TYW1: variants seen among roughly 807,000 people sequenced by gnomAD.
TYW1 encodes tRNA-yW synthesizing protein 1 homolog.
Under a neutral mutation model 96.2 loss-of-function variants are expected in TYW1, and 46 were observed. The observed-to-expected ratio is 0.48, with a 90% CI of 0.38 to 0.61. TYW1 has a LOEUF of 0.61. Ranked by LOEUF, TYW1 falls within the 20% of genes least tolerant of loss-of-function variation. The pLI, the probability that TYW1 is intolerant of heterozygous loss-of-function variation, is 0.00. For synonymous variants in TYW1, 274 were observed against 323.0 expected (o/e 0.85, Z 1.63); for missense variants, 684 against 909.6 (o/e 0.75, Z 3.19).
intron 7 of TYW1, among the ~76,000 whole-genome samples, chr7:67,045,909 C>G (rs1795173288): frequency 1.3e-5 from 2 of 152,274 alleles, no homozygotes; most frequent in South Asian, 4.1e-4. Flanking sequence ...AACCCTAGAA[C>G]TGTTTTACTG....
In TYW1 at chr7:67,167,296, C is replaced by T. The variant is rs188144320; in HGVS notation, c.1699-15830C>T. ...CATCCTGGCTAACACGGTGAAACCG[C>T]GTCTCTACTAAAAATACAAAAAATT... On this transcript the variant is annotated intron_variant, in intron 13 of 15. Coordinates refer to ENST00000359626, the MANE Select transcript of TYW1 (RefSeq NM_018264.4). 2.2e-3 allele frequency among the ~76,000 whole-genome samples: 342 copies of T among 152,034 alleles called. 1 individual carries two copies. Among genetic ancestry groups the T allele is most frequent in the African/African-American group, 7.4e-3 (307 of 41,502 alleles).
At chr7:67,175,168 G>A (rs185340818) in intron 13 of TYW1, among the ~76,000 whole-genome samples, 12 of 140,248 alleles carry the variant, frequency 8.6e-5, no homozygotes, top group Non-Finnish European at 1.5e-4. Context: ...TATTAGTTCA[G>A]AATTTTTTTT....
rs548873963 is a variant in TYW1 at position 67,235,893 on chromosome 7, CAAAAAA to C, written c.1978-2403_1978-2398del. ...TGGGAGACAGAGCGAGACTCTGTCTCAAAAAAAAAAAAAAAAAGAAAAAGAGGTGAG... is the reference window on the plus strand; with the variant it reads ...TGGGAGACAGAGCGAGACTCTGTCTCAAAAAAAAAAAGAAAAAGAGGTGAG... On this transcript the variant is annotated intron_variant, in intron 15 of 15. Transcript: ENST00000359626. Among the ~76,000 whole-genome samples the C allele has an allele frequency of 7.2e-5, 5 of 69,568 alleles. No individual in the cohort carries two copies. In the South Asian group the frequency reaches 1.6e-3, roughly 22 times the overall value. 45.6% of individuals were successfully genotyped at this position (69,568 alleles called of 152,430 possible).
In TYW1 at chr7:67,070,061, C is replaced by G. The variant is rs570085131; in HGVS notation, c.1274+2658C>G. Among the ~76,000 whole-genome samples, 3 of 152,308 alleles carry G rather than the reference C, an allele frequency of 2.0e-5. No homozygotes were observed. The South Asian group carries it at 6.2e-4, about 32-fold the overall frequency. On this transcript the variant is annotated intron_variant, in intron 10 of 15. Transcript: ENST00000359626. The stretch of plus-strand genomic sequence containing the variant: ...CATTTTAAATATGCTCTCCCACTGC[C>G]TTCTGGCCTCCATGGTTTCTGCTGA...
chr7:67,102,520 G>T (rs1797115778), intron 12 of TYW1, among the ~76,000 whole-genome samples: 1 of 152,172 alleles, frequency 6.6e-6, no homozygotes, highest in Admixed American at 6.5e-5. Flanking sequence ...AAGTAAGGTG[G>T]CAGGGTTGGG....
chr7:67,034,085 AATTT>A (rs1441778485), intron 7 of TYW1, among the ~76,000 whole-genome samples: 4 of 144,386 alleles, frequency 2.8e-5, no homozygotes, highest in African/African-American at 5.0e-5. Context: ...AGTTTCATTT[AATTT>A]ATTTATTTAT....
chr7:67,211,690 A>C, intron 15 of TYW1, among the ~76,000 whole-genome samples: 1 of 152,064 alleles, frequency 6.6e-6, no homozygotes, highest in South Asian at 2.1e-4. Context: ...TAAATTCCCA[A>C]CCCAACAGTG....
At chr7:67,072,248 C>CTTTT (rs35654128) in intron 10 of TYW1, among the ~76,000 whole-genome samples, 3 of 128,944 alleles carry the variant, frequency 2.3e-5, no homozygotes, top group Admixed American at 8.1e-5. Flanking sequence ...CCTCTACCCA[C>CTTTT]TTTTTTTTTT....
intron 13 of TYW1, among the ~76,000 whole-genome samples, chr7:67,127,037 G>C (rs1797931830): frequency 7.2e-6 from 1 of 138,310 alleles, no homozygotes; most frequent in African/African-American, 2.5e-5. Context: ...TACTTCACTT[G>C]TTGTTTTTTT....
intron 12 of TYW1, among the ~76,000 whole-genome samples, chr7:67,104,247 T>G (rs1292825396): frequency 2.0e-5 from 3 of 152,120 alleles, no homozygotes; most frequent in African/African-American, 7.2e-5. Flanking sequence ...TGAGACTGGG[T>G]AATTTGTGAA....
chr7:67,007,254 G>C (rs1413813196), intron 3 of TYW1, among the ~76,000 whole-genome samples: 1 of 152,028 alleles, frequency 6.6e-6, no homozygotes, highest in Non-Finnish European at 1.5e-5. Context: ...ATACCTGGGG[G>C]TGTTACCAAA....
chr7:67,088,736 T>TA (rs1394146040), intron 11 of TYW1, among the ~76,000 whole-genome samples: 1 of 152,046 alleles, frequency 6.6e-6, no homozygotes, highest in East Asian at 1.9e-4. Flanking sequence ...GCTAATATTT[T>TA]AAAAAACATT....
rs867564215 is a variant in TYW1, at chr7:67,013,120, C to T, written c.376-1247C>T. Among the ~76,000 whole-genome samples the T allele has an allele frequency of 4.5e-3, 633 of 141,560 alleles. 3 individuals carry two copies. The highest frequency in any genetic ancestry group is 0.021 in the South Asian group (95 of 4,526). 92.9% of individuals were successfully genotyped at this position (141,560 alleles called of 152,430 possible). ...CTCTCTGTATTTTTTCTTTTCTTTTCTTTTTTTTTTTTGAGATGGAGTCTT... is the reference window on the plus strand; with the variant it reads ...CTCTCTGTATTTTTTCTTTTCTTTTTTTTTTTTTTTTTGAGATGGAGTCTT... On this transcript the variant is annotated intron_variant, in intron 4 of 15. Coordinates refer to ENST00000359626, the MANE Select transcript of TYW1 (RefSeq NM_018264.4).
At chr7:67,060,370 G>A (rs1230598882) in intron 9 of TYW1, among the ~76,000 whole-genome samples, 2 of 152,232 alleles carry the variant, frequency 1.3e-5, no homozygotes, top group Non-Finnish European at 2.9e-5. Flanking sequence ...CACTGTGCCT[G>A]GCCCAGATTC....
chr7:67,172,276 CTTA>C (rs59226865), intron 13 of TYW1, among the ~76,000 whole-genome samples: 144 of 148,330 alleles, frequency 9.7e-4, no homozygotes, highest in African/African-American at 3.2e-3. Context: ...GCATGCTTGA[CTTA>C]TTAAAGTCAA....
Position 67,113,761 on chromosome 7 carries a change from C to G in TYW1, c.1563-3722C>G, listed in dbSNP as rs545987887. 2.2e-4 allele frequency among the ~76,000 whole-genome samples: 34 copies of G among 152,106 alleles called. No individual in the cohort carries two copies. The South Asian group carries it at 6.7e-3, about 30-fold the overall frequency. On this transcript the variant is annotated intron_variant, in intron 12 of 15. Transcript: ENST00000359626. Reference sequence around the variant, plus strand: ...TAAGTGATTTTTGTGCCTCAGCCTCCTGAGTAGCTGGGATTACAGGCGTGC... The same window carrying G: ...TAAGTGATTTTTGTGCCTCAGCCTCGTGAGTAGCTGGGATTACAGGCGTGC...
chr7:67,152,906 C>A (rs1250813338), intron 13 of TYW1, among the ~76,000 whole-genome samples: 2 of 152,074 alleles, frequency 1.3e-5, no homozygotes. Context: ...CTGCCATATT[C>A]CCCAGTTTTT....
chr7:67,094,669 T>C (rs1796836759), intron 11 of TYW1, among the ~76,000 whole-genome samples: 1 of 151,758 alleles, frequency 6.6e-6, no homozygotes, highest in African/African-American at 2.4e-5. Flanking sequence ...TGTGTGTGTG[T>C]GTGTGTGTGT....
At chr7:67,112,559 T>G (rs1257212095) in intron 12 of TYW1, among the ~76,000 whole-genome samples, 3 of 150,848 alleles carry the variant, frequency 2.0e-5, no homozygotes, top group Non-Finnish European at 2.9e-5. Context: ...GAGGTTGTGG[T>G]GAGCCAAGAT....
Sources: allele counts gnomAD v4.1 joint callset (sites outside exome capture counted in the v4.1 genomes callset), GRCh38; gene constraint gnomAD v4.1.1; transcripts MANE v1.5; gene names NCBI Gene and HGNC (gene_info 2026-07-23, HGNC 2026-07-21).